Variants in ASCC3 observed in about 807,000 individuals in gnomAD.
ASCC3 encodes ASC-1 complex subunit P200.
Under a neutral mutation model 256.3 loss-of-function variants are expected in ASCC3, and 158 were observed. The ratio of observed to expected loss-of-function variants is 0.62; its 90% CI spans 0.54 to 0.70. ASCC3 has a LOEUF of 0.70. ASCC3 is among the 30% of genes least tolerant of loss of function. ASCC3 has a pLI of 0.00. For synonymous variants in ASCC3, 948 were observed against 883.4 expected (o/e 1.07, Z -1.30); for missense variants, 2,259 against 2,626.0 (o/e 0.86, Z 3.05).
At chr6:100,591,837 CT>C (rs1288835837) in intron 34 of ASCC3, among the ~76,000 whole-genome samples, 13 of 151,976 alleles carry the variant, frequency 8.6e-5, no homozygotes, top group Middle Eastern at 3.4e-3. Context: ...GGGATGTCAA[CT>C]TTACCATTTT....
intron 13 of ASCC3, among the ~76,000 whole-genome samples, chr6:100,690,596 T>C (rs1777796981): frequency 6.6e-6 from 1 of 152,092 alleles, no homozygotes; most frequent in Non-Finnish European, 1.5e-5. Flanking sequence ...CCAATCAAAT[T>C]ACTAAAGCAC....
At chr6:100,713,673 T>C (rs1379047335) in intron 13 of ASCC3, among the ~76,000 whole-genome samples, 1 of 152,102 alleles carries the variant, frequency 6.6e-6, no homozygotes, top group African/African-American at 2.4e-5. Flanking sequence ...AAACTCTACT[T>C]TCCATTCAAT....
At chr6:100,611,180 A>G (rs1773374439) in intron 30 of ASCC3, among the ~76,000 whole-genome samples, 2 of 152,130 alleles carry the variant, frequency 1.3e-5, no homozygotes, top group African/African-American at 4.8e-5. Flanking sequence ...AATGCAGTAA[A>G]GAGAACTGTT....
At chr6:100,565,039 G>A (rs1770160045) in intron 36 of ASCC3, among the ~76,000 whole-genome samples, 1 of 152,096 alleles carries the variant, frequency 6.6e-6, no homozygotes, top group South Asian at 2.1e-4. Context: ...ATTAAATAAT[G>A]TAATATTTGC....
intron 25 of ASCC3, among the ~76,000 whole-genome samples, chr6:100,635,088 G>C (rs576668045): frequency 6.6e-6 from 1 of 151,986 alleles, no homozygotes; most frequent in African/African-American, 2.4e-5. Flanking sequence ...ATCTTAAAGA[G>C]ATATCTGCAC....
intron 36 of ASCC3, among the ~76,000 whole-genome samples, chr6:100,566,211 A>G (rs560517854): frequency 6.7e-4 from 102 of 152,326 alleles, no homozygotes; most frequent in African/African-American, 2.4e-3. Flanking sequence ...CATACTAATT[A>G]TCTAATTACC....
At chr6:100,698,640 A>G (rs748852804) in intron 13 of ASCC3, among the ~76,000 whole-genome samples, 1 of 152,178 alleles carries the variant, frequency 6.6e-6, no homozygotes, top group Non-Finnish European at 1.5e-5. Context: ...AGAAAGATCT[A>G]TAACTAGATG....
intron 2 of ASCC3, among the ~76,000 whole-genome samples, chr6:100,865,304 AG>A (rs558242259): frequency 7.2e-4 from 110 of 152,342 alleles, no homozygotes; most frequent in African/African-American, 2.4e-3. Context: ...TCCTCAGGGA[AG>A]AAAAAAATGT....
chr6:100,511,343 G>A (rs978159543), intron 40 of ASCC3, among the ~76,000 whole-genome samples: 10 of 152,120 alleles, frequency 6.6e-5, no homozygotes, highest in African/African-American at 2.2e-4. Flanking sequence ...GCTTAAACCC[G>A]GGAGGCGGAG....
intron 8 of ASCC3, among the ~76,000 whole-genome samples, chr6:100,767,789 T>TC (rs957937338): frequency 4.6e-5 from 7 of 151,114 alleles, no homozygotes; most frequent in Non-Finnish European, 8.9e-5. Flanking sequence ...TTTTTTTTTT[T>TC]GTATATTTAG....
At chr6:100,674,497 A>G (rs1207771245) in intron 14 of ASCC3, among the ~76,000 whole-genome samples, 1 of 152,002 alleles carries the variant, frequency 6.6e-6, no homozygotes, top group African/African-American at 2.4e-5. Flanking sequence ...GTTCCAAAGC[A>G]TTAAGTTTAA....
rs75874229 is a variant in ASCC3, at chr6:100,548,801, T to C, written c.5551-8414A>G. Among the ~76,000 whole-genome samples the C allele has an allele frequency of 1.6e-3, 246 of 152,008 alleles. 10 individuals carry two copies. In the East Asian group the frequency reaches 0.045, roughly 28 times the overall value. On this transcript the variant is annotated intron_variant, in intron 36 of 41. Transcript: ENST00000369162. ...GGAGTGTTCTAGGAATAGTATACAGTAGTTCTCCCTTATCCACAGGGGATA... is the reference window on the plus strand; with the variant it reads ...GGAGTGTTCTAGGAATAGTATACAGCAGTTCTCCCTTATCCACAGGGGATA...
chr6:100,686,074 T>A (rs891233397), intron 13 of ASCC3, among the ~76,000 whole-genome samples: 14 of 152,284 alleles, frequency 9.2e-5, no homozygotes, highest in African/African-American at 3.1e-4. Flanking sequence ...TTGAGCCCAA[T>A]CAAACACACT....
chr6:100,588,159 T>C (rs113867697), intron 36 of ASCC3, among the ~76,000 whole-genome samples: 75 of 152,228 alleles, frequency 4.9e-4, no homozygotes, highest in African/African-American at 1.7e-3. Context: ...GGAATAATGA[T>C]GGGATGTTAT....
chr6:100,730,667 T>A (rs931566445), intron 10 of ASCC3, among the ~76,000 whole-genome samples: 1 of 152,188 alleles, frequency 6.6e-6, no homozygotes. Context: ...TTACATTCCA[T>A]AAACATACAT....
intron 37 of ASCC3, among the ~76,000 whole-genome samples, chr6:100,531,526 T>C (rs897568286): frequency 5.3e-5 from 8 of 151,934 alleles, no homozygotes; most frequent in Admixed American, 4.6e-4. Flanking sequence ...GGGTGATATA[T>C]TTAAGTATAC....
chr6:100,644,185 G>A, intron 22 of ASCC3, 56 bp from the exon 23 acceptor site: 4 of 1,144,128 alleles, frequency 3.5e-6, no homozygotes, highest in Non-Finnish European at 5.3e-6. Flanking sequence ...ATAAGGGATA[G>A]CATCCAATCT....
chr6:100,599,054 T>C (rs1772457626), intron 34 of ASCC3, among the ~76,000 whole-genome samples: 1 of 152,118 alleles, frequency 6.6e-6, no homozygotes, highest in Admixed American at 6.6e-5. Flanking sequence ...TTAATTCAGT[T>C]TTGGACATGT....
At chr6:100,555,754 T>C (rs1263479694) in intron 36 of ASCC3, among the ~76,000 whole-genome samples, 1 of 152,200 alleles carries the variant, frequency 6.6e-6, no homozygotes, top group Non-Finnish European at 1.5e-5. Context: ...CAGGTTTGAA[T>C]CCTAAAAAGG....
Sources: gnomAD v4.1 joint callset for allele counts (sites outside exome capture counted in the v4.1 genomes callset) on GRCh38, gnomAD v4.1.1 for gene constraint, MANE v1.5 for transcripts, NCBI Gene and HGNC (gene_info 2026-07-23, HGNC 2026-07-21) for gene names.